SAMD11: variants seen among roughly 807,000 people sequenced by gnomAD.
SAMD11 encodes sterile alpha motif domain-containing protein 11.
A neutral mutation model predicts 64.4 loss-of-function variants in SAMD11; 77 were observed. The ratio of observed to expected loss-of-function variants is 1.20; its 90% CI spans 0.99 to 1.44. The LOEUF (loss-of-function observed/expected upper bound fraction) is 1.44. Ranked by LOEUF, SAMD11 falls within the 40% of genes most tolerant of loss-of-function variation. The probability of loss-of-function intolerance (pLI) is 0.00; values close to 1 mark genes in which losing one functional copy is unlikely to be tolerated. For synonymous variants in SAMD11, 658 were observed against 421.9 expected (o/e 1.56, Z -6.86); for missense variants, 1,402 against 943.3 (o/e 1.49, Z -6.37).
chr1:939,579 C>G, intron 7 of SAMD11, 167 bp downstream of exon 7: 1 of 388,536 alleles, frequency 2.6e-6, no homozygotes, highest in Non-Finnish European at 3.9e-6. Flanking sequence ...GTCCCTCTGC[C>G]ACACGTCCTG....
rs751035336 is a variant in SAMD11, at chr1:939,112, G to C, written c.1040G>C (p.Arg347Pro). Residue 347 changes from arginine to proline, a missense_variant, in exon 6 of 14, where the codon CGA becomes CCA. Transcript: ENST00000616016. Reference sequence around the variant, plus strand: ...GACTGCTTTTCAGAGAAGAGGGCACGAAGCGAATCGCCTCAAGGTAAGAGC... The same window carrying C: ...GACTGCTTTTCAGAGAAGAGGGCACCAAGCGAATCGCCTCAAGGTAAGAGC... ...SSDCFSEKRARSESPQEALLL... is the reference protein window; with the variant it reads ...SSDCFSEKRAPSESPQEALLL... 2.5e-6 allele frequency: 4 copies of C among 1,597,302 alleles called. No individual in the cohort carries two copies. The highest frequency in any genetic ancestry group is 1.1e-5 in the South Asian group (1 of 88,008).
intron 11 of SAMD11, 38 bp from the exon 12 acceptor site, chr1:943,215 A>G: frequency 6.2e-7 from 1 of 1,611,416 alleles, no homozygotes; most frequent in Non-Finnish European, 8.5e-7. Flanking sequence ...GGTATGGGAA[A>G]GCCAGCCAGA....
intron 5 of SAMD11, among the ~76,000 whole-genome samples, chr1:937,277 T>C (rs915860644): frequency 1.4e-4 from 22 of 152,046 alleles, no homozygotes; most frequent in Admixed American, 9.8e-4. Flanking sequence ...CCCTGGGCTG[T>C]GAGGGACTCA....
In SAMD11 at chr1:942,563, G is replaced by C; in HGVS notation, c.1558G>C (p.Glu520Gln). 1 of 1,402,660 alleles carries C rather than the reference G, an allele frequency of 7.1e-7. No individual in the cohort carries two copies. The highest frequency in any genetic ancestry group is 9.2e-7 in the Non-Finnish European group (1 of 1,087,788). The allele number at this position is 1,402,660 out of a possible 1,614,324, so 86.9% of individuals were successfully genotyped here. A position where few individuals can be genotyped will look rare whatever the true frequency, so the allele number is the denominator to read the frequency against. ...CCGCGTCTGCCCCCGGCCCAGGCTG[G>C]AGCTGCCCGCCGACCTCCTGCGGCA... Reference protein sequence around the residue: ...LLRKQNLARLELPADLLRQKE... With the variant: ...LLRKQNLARLQLPADLLRQKE... Residue 520 changes from glutamate to glutamine, a missense_variant, in exon 11 of 14, where the codon GAG becomes CAG. Coordinates refer to ENST00000616016, the MANE Select transcript of SAMD11 (RefSeq NM_001385641.1).
intron 7 of SAMD11, among the ~76,000 whole-genome samples, chr1:940,728 G>C (rs895056916): frequency 3.3e-5 from 5 of 152,236 alleles, no homozygotes; most frequent in African/African-American, 1.2e-4. Flanking sequence ...GGCCAGCCGC[G>C]TCTACTATGG....
chr1:936,743 C>G (rs562796637), intron 5 of SAMD11, among the ~76,000 whole-genome samples: 21 of 152,202 alleles, frequency 1.4e-4, no homozygotes, highest in Non-Finnish European at 2.4e-4. Context: ...TCCGCGTCCT[C>G]GTGCACCTAG....
chr1:928,164 C>A (rs560932185), intron 2 of SAMD11, among the ~76,000 whole-genome samples: 5 of 151,796 alleles, frequency 3.3e-5, no homozygotes, highest in East Asian at 1.9e-4. Flanking sequence ...GAGGCCGAGG[C>A]GGGCGGATCA....
At position 943,276 on chromosome 1, in the gene SAMD11, G is replaced by A; in HGVS notation, c.2077G>A (p.Asp693Asn). ...AGGCGCGGTAGGGGGACTCTCCATG[G>A]ATGGGGAGGAGGCCCCAGCCCCTGA... ...HTGAVGGLSM[D>N]GEEAPAPEDV... Residue 693 changes from aspartate (D) to asparagine (N), a missense_variant, in exon 12 of 14, where the codon GAT becomes AAT. Physicochemically the swap from Asp to Asn is conservative, Grantham distance 23. Coordinates refer to ENST00000616016, the MANE Select transcript of SAMD11 (RefSeq NM_001385641.1). 2 of 1,612,814 alleles carry A rather than the reference G, an allele frequency of 1.2e-6. No homozygotes were observed. The highest frequency in any genetic ancestry group is 8.5e-7 in the Non-Finnish European group (1 of 1,179,850).
At chr1:943,226 G>A (rs779892045) in intron 11 of SAMD11, 27 bp from the exon 12 acceptor site, 21 of 1,612,188 alleles carry the variant, frequency 1.3e-5, no homozygotes, top group African/African-American at 8.0e-5. Context: ...GCCAGCCAGA[G>A]CCCTAGTAAC....
At chr1:925,833 C>G (rs965244502) in intron 1 of SAMD11, 89 bp from the exon 2 acceptor site, 2 of 938,728 alleles carry the variant, frequency 2.1e-6, no homozygotes, top group South Asian at 1.3e-5. Flanking sequence ...ATTTCGTCCA[C>G]GAGCCGGGGA....
chr1:933,549 G>GT (rs1557603258), intron 4 of SAMD11, among the ~76,000 whole-genome samples: 1 of 32,150 alleles, frequency 3.1e-5, no homozygotes. Context: ...GGACACCAGA[G>GT]GGGGGACCCC....
At chr1:926,778 CCTG>C (rs1640912590) in intron 2 of SAMD11, among the ~76,000 whole-genome samples, 1 of 152,136 alleles carries the variant, frequency 6.6e-6, no homozygotes, top group Non-Finnish European at 1.5e-5. Context: ...AGGAAGAATG[CCTG>C]TTGGGAAGGA....
rs759617789 is a variant in SAMD11 at position 941,320 on chromosome 1, T to C, written c.1358+14T>C. The stretch of plus-strand genomic sequence containing the variant: ...CTTCTCGGAGAGGTACTGGGGTGGC[T>C]GCCGTTCTCTGCTTGTTTCTGGGGT... On this transcript the variant is annotated intron_variant, in intron 8 of 13. Transcript: ENST00000616016. The C allele has an allele frequency of 6.5e-7, 1 of 1,533,996 alleles. No homozygotes were observed. The highest frequency in any genetic ancestry group is 8.8e-7 in the Non-Finnish European group (1 of 1,141,418).
At position 930,314 on chromosome 1, in the gene SAMD11, C is replaced by A. The variant is rs9988179; in HGVS notation, c.769C>A (p.His257Asn). The change falls in exon 3 of 14, where the codon CAC becomes AAC. Residue 257 changes from histidine (H) to asparagine (N), a missense_variant. Physicochemically the swap from His to Asn is moderately conservative, Grantham distance 68. Transcript: ENST00000616016. ...AGGCTTGAAGCAGGAGGATGGTCCG[C>A]ACATCCGTATCATGAAGAGAAGGTA... ...RPGLKQEDGP[H>N]IRIMKRRVHT... 1.2e-6 allele frequency: 2 copies of A among 1,606,360 alleles called. No homozygotes were observed. The highest frequency in any genetic ancestry group is 2.7e-5 in the African/African-American group (2 of 74,828).
In SAMD11 at chr1:935,890, C is replaced by A; in HGVS notation, c.961C>A (p.Pro321Thr). ...AGGCAGCCTGGAGATTGGCCTGCGACCCGCCGGTGAGGAGCACAGGGGGCC... is the reference window on the plus strand; with the variant it reads ...AGGCAGCCTGGAGATTGGCCTGCGAACCGCCGGTGAGGAGCACAGGGGGCC... ...QRGSLEIGLR[P>T]AGDLLGKRLG... The change falls in exon 5 of 14, where the codon CCC becomes ACC. Residue 321 changes from proline (P) to threonine (T), a missense_variant. Pro to Thr is a conservative substitution (Grantham distance 38). Coordinates refer to ENST00000616016, the MANE Select transcript of SAMD11 (RefSeq NM_001385641.1). 2 of 1,612,574 alleles carry A rather than the reference C, an allele frequency of 1.2e-6. No homozygotes were observed. Among genetic ancestry groups the A allele is most frequent in the Non-Finnish European group, 1.7e-6 (2 of 1,179,634 alleles).
intron 5 of SAMD11, among the ~76,000 whole-genome samples, chr1:938,441 G>A (rs1245301082): frequency 3.3e-5 from 5 of 152,200 alleles, no homozygotes; most frequent in African/African-American, 9.6e-5. Context: ...GCCACGCCAG[G>A]GTGCTAGCTC....
At chr1:932,186 ATTTTATGAGCCT>A (rs1641197719) in intron 4 of SAMD11, among the ~76,000 whole-genome samples, 1 of 152,224 alleles carries the variant, frequency 6.6e-6, no homozygotes, top group Non-Finnish European at 1.5e-5. Context: ...CACTGATGAC[ATTTTATGAGCCT>A]TTTACATGGG....
intron 2 of SAMD11, 71 bp from the exon 3 acceptor site, chr1:930,084 C>T (rs1345712953): frequency 4.7e-6 from 7 of 1,484,804 alleles, no homozygotes; most frequent in African/African-American, 2.8e-5. Context: ...CCGGTCCAGC[C>T]CCACCTTCCT....
At chr1:928,463 C>T (rs35599603) in intron 2 of SAMD11, among the ~76,000 whole-genome samples, 19,763 of 152,296 alleles carry the variant, frequency 0.13, 2,656 homozygotes, top group East Asian at 0.41. Context: ...GCTTGGGCTG[C>T]AGAAGGGCAG....
Sources: allele counts gnomAD v4.1 joint callset (sites outside exome capture counted in the v4.1 genomes callset), GRCh38; gene constraint gnomAD v4.1.1; transcripts MANE v1.5; gene names NCBI Gene and HGNC (gene_info 2026-07-23, HGNC 2026-07-21).